The following ANK3 variants were observed in gnomAD, a reference collection of about 807,000 sequenced individuals.
ANK3 encodes ankyrin-3.
ANK3 carries 57 observed loss-of-function variants against 370.9 expected under a neutral mutation model. The observed-to-expected ratio is 0.15, with a 90% CI of 0.12 to 0.19. The LOEUF is 0.19. Ranked by LOEUF, ANK3 falls within the 10% of genes least tolerant of loss-of-function variation. The pLI, the probability that ANK3 is intolerant of heterozygous loss-of-function variation, is 1.00. For missense variants in ANK3, 4,439 were observed against 5,302.1 expected, an observed-to-expected ratio of 0.84 and a Z score of 5.06; for synonymous variants, 1,929 against 1,946.3, an observed-to-expected ratio of 0.99 and a Z score of 0.23.
Position 60,056,011 on chromosome 10 carries a change from T to C in ANK3, c.12712A>G (p.Thr4238Ala), listed in dbSNP as rs1419723600. 1.9e-6 allele frequency: 3 copies of C among 1,613,032 alleles called. No homozygotes were observed. Among genetic ancestry groups the C allele is most frequent in the Admixed American group, 3.3e-5 (2 of 59,854 alleles). ...DSPDQCRDSI[T>A]SYLKGEAGKF... ...CCAGCTTCTCCTTTGAGATATGAGG[T>C]AATGGAATCTCTACACTGGTCAGGG... Residue 4238 changes from threonine to alanine, a missense_variant, in exon 42 of 44, where the codon ACC becomes GCC. By Grantham distance (58) the Thr-to-Ala change is moderately conservative (BLOSUM62 0). This residue lies in a region of ANK3 where 242 missense variants were observed against 228.0 expected (regional missense o/e 1.06). Transcript: ENST00000280772.
Position 60,074,483 on chromosome 10 carries a change from C to T in ANK3, c.6398G>A (p.Arg2133Lys), listed in dbSNP as rs748870337. The T allele has an allele frequency of 6.2e-7, 1 of 1,613,810 alleles. No homozygotes were observed. The highest frequency in any genetic ancestry group is 8.5e-7 in the Non-Finnish European group (1 of 1,179,932). The stretch of plus-strand genomic sequence containing the variant: ...TGGGGCTGAAGGTGTCTTTTCACTT[C>T]TTGTTTCAAAGCCACTGTCAGACAA... ...SPLSDSGFET[R>K]SEKTPSAPQS... The change falls in exon 37 of 44, where the codon AGA (arginine) becomes AAA (lysine). Residue 2133 changes from arginine to lysine, a missense_variant. This residue lies in a region of ANK3 where 7 missense variants were observed against 26.9 expected (regional missense o/e 0.26). Transcript: ENST00000280772.
intron 8 of ANK3, among the ~76,000 whole-genome samples, chr10:60,233,131 G>C (rs2097273128): frequency 6.6e-6 from 1 of 152,326 alleles, no homozygotes; most frequent in East Asian, 1.9e-4. Context: ...GGAGCTCTGA[G>C]ATATACTAGC....
At chr10:60,677,229 C>T (rs1198932101) in intron 1 of ANK3, among the ~76,000 whole-genome samples, 1 of 152,162 alleles carries the variant, frequency 6.6e-6, no homozygotes, top group East Asian at 1.9e-4. Context: ...TTCTAACTAT[C>T]TTGTTCTTTC....
At chr10:60,288,889 A>AACACACACACACACACACACACACAC (rs35560146) in intron 1 of ANK3, among the ~76,000 whole-genome samples, 48 of 139,320 alleles carry the variant, frequency 3.4e-4, no homozygotes, top group African/African-American at 1.3e-3. Flanking sequence ...AGGTAGGAAT[A>AACACACACACACACACACACACACAC]ACACACACAC....
intron 43 of ANK3, among the ~76,000 whole-genome samples, chr10:60,030,433 C>G (rs186843358): frequency 3.9e-5 from 6 of 152,292 alleles, no homozygotes; most frequent in Non-Finnish European, 4.4e-5. Flanking sequence ...TGAGCCACCA[C>G]GCCCGGCCCT....
chr10:60,453,623 C>T (rs754443075), intron 2 of ANK3, among the ~76,000 whole-genome samples: 2 of 152,058 alleles, frequency 1.3e-5, no homozygotes, highest in Non-Finnish European at 2.9e-5. Context: ...TTAAACTCCT[C>T]ATTACTTTTG....
At chr10:60,035,301 T>C (rs1216024430) in intron 43 of ANK3, among the ~76,000 whole-genome samples, 7 of 152,042 alleles carry the variant, frequency 4.6e-5, no homozygotes, top group Non-Finnish European at 8.8e-5. Flanking sequence ...CAGGCTGGAG[T>C]ACAGTGGTAC....
intron 8 of ANK3, among the ~76,000 whole-genome samples, chr10:60,233,086 T>C (rs1224328875): frequency 1.3e-5 from 2 of 152,208 alleles, no homozygotes; most frequent in Non-Finnish European, 2.9e-5. Flanking sequence ...AAATATTGAA[T>C]AAGAAAACCC....
chr10:60,718,366 G>C (rs887845997), intron 1 of ANK3, among the ~76,000 whole-genome samples: 1 of 151,984 alleles, frequency 6.6e-6, no homozygotes, highest in Non-Finnish European at 1.5e-5. Flanking sequence ...AACTTTACAG[G>C]CAAAGTAATA....
chr10:60,630,129 A>C (rs935852915), intron 1 of ANK3, among the ~76,000 whole-genome samples: 2 of 152,142 alleles, frequency 1.3e-5, no homozygotes, highest in African/African-American at 4.8e-5. Flanking sequence ...ATTTGCATAA[A>C]TCATTTAATC....
intron 1 of ANK3, among the ~76,000 whole-genome samples, chr10:60,388,853 C>T (rs1436686875): frequency 1.3e-5 from 2 of 152,112 alleles, no homozygotes; most frequent in African/African-American, 4.8e-5. Context: ...CAGCTTATTT[C>T]CATTGCACAA....
At chr10:60,052,131 C>CGG (rs768577843) in intron 42 of ANK3, among the ~76,000 whole-genome samples, 1 of 152,058 alleles carries the variant, frequency 6.6e-6, no homozygotes, top group Non-Finnish European at 1.5e-5. Flanking sequence ...GAGGCCAAGG[C>CGG]GGGTGGATCA....
At chr10:60,506,788 G>T (rs1362712363) in intron 2 of ANK3, among the ~76,000 whole-genome samples, 2 of 152,006 alleles carry the variant, frequency 1.3e-5, no homozygotes, top group African/African-American at 4.8e-5. Context: ...AATTTCACAG[G>T]TCTGAAGTTC....
At chr10:60,537,067 G>A (rs527820881) in intron 2 of ANK3, among the ~76,000 whole-genome samples, 3 of 151,862 alleles carry the variant, frequency 2.0e-5, no homozygotes, top group South Asian at 2.1e-4. Flanking sequence ...AAAATTGTAC[G>A]GGAAAAAAAT....
chr10:60,577,342 A>G (rs1488508658), intron 2 of ANK3, among the ~76,000 whole-genome samples: 1 of 152,170 alleles, frequency 6.6e-6, no homozygotes. Flanking sequence ...CTAAAGCCTC[A>G]GCGTATAATT....
At chr10:60,576,319 C>T (rs992195285) in intron 2 of ANK3, among the ~76,000 whole-genome samples, 7 of 152,114 alleles carry the variant, frequency 4.6e-5, no homozygotes, top group African/African-American at 1.7e-4. Flanking sequence ...TTAAATAACT[C>T]GCATAAGAGG....
intron 2 of ANK3, among the ~76,000 whole-genome samples, chr10:60,424,187 C>T (rs2063832975): frequency 6.6e-6 from 1 of 151,962 alleles, no homozygotes; most frequent in Admixed American, 6.6e-5. Flanking sequence ...TGGTTTTGGC[C>T]AGCACAGCTC....
intron 1 of ANK3, among the ~76,000 whole-genome samples, chr10:60,638,706 T>A (rs1168434857): frequency 6.6e-6 from 1 of 152,022 alleles, no homozygotes; most frequent in Non-Finnish European, 1.5e-5. Flanking sequence ...CCAGATAAAA[T>A]TTCTAGAACT....
At chr10:60,211,783 G>A (rs563815617) in intron 9 of ANK3, among the ~76,000 whole-genome samples, 1 of 149,910 alleles carries the variant, frequency 6.7e-6, no homozygotes, top group South Asian at 2.1e-4. Flanking sequence ...CTTAACCACT[G>A]CCACCTGATC....
Sources: gnomAD v4.1 joint callset for allele counts (sites outside exome capture counted in the v4.1 genomes callset) on GRCh38, gnomAD v4.1.1 for gene constraint, gnomAD v4.1.1 regional missense constraint, MANE v1.5 for transcripts, NCBI Gene and HGNC (gene_info 2026-07-23, HGNC 2026-07-21) for gene names.